ZNF418: variants seen among roughly 807,000 people sequenced by gnomAD.
The protein encoded by ZNF418 is zinc finger protein 418.
A neutral mutation model predicts 32.0 loss-of-function variants in ZNF418; 32 were observed. The observed-to-expected ratio is 1.00, with a 90% CI of 0.75 to 1.34. The LOEUF (loss-of-function observed/expected upper bound fraction) is 1.34, where lower values mean the gene tolerates loss of function less well. ZNF418 is among the 40% of genes most tolerant of loss of function. ZNF418 has a pLI of 0.00. For missense variants in ZNF418, 804 were observed against 812.5 expected (o/e 0.99, Z 0.13); for synonymous variants, 276 against 270.7 (o/e 1.02, Z -0.19).
chr19:57,930,436 G>C lies in ZNF418; in HGVS notation c.125C>G (p.Ser42Cys), dbSNP rs373117835. 3.1e-6 allele frequency: 5 copies of C among 1,614,100 alleles called. No homozygotes were observed. The South Asian group carries it at 5.5e-5, about 18-fold the overall frequency. Reference sequence around the variant, plus strand: ...GGGTGTGAGGAACTTACCCAGGGAGGATATAAGTACCCAGTTCTCCAGCAT... The same window carrying C: ...GGGTGTGAGGAACTTACCCAGGGAGCATATAAGTACCCAGTTCTCCAGCAT... ...DVMLENWVLI[S>C]SLGCWCGSED... The change falls in exon 3 of 6, where the codon TCC becomes TGC. Residue 42 changes from serine to cysteine, a missense_variant. This residue lies in a region of ZNF418 where 307 missense variants were observed against 304.9 expected (regional missense o/e 1.01). Coordinates refer to ENST00000396147, the MANE Select transcript of ZNF418 (RefSeq NM_133460.3).
intron 1 of ZNF418, chr19:57,934,168 A>C: frequency 8.2e-7 from 1 of 1,224,954 alleles, no homozygotes; most frequent in Non-Finnish European, 1.0e-6. Flanking sequence ...CACAAGCTAG[A>C]GAACATGTGA....
chr19:57,933,838 A>T lies in ZNF418; in HGVS notation c.-16T>A, dbSNP rs1303489380. On this transcript the variant is annotated 5_prime_UTR_variant, in exon 2 of 6. Transcript: ENST00000396147. Reference sequence around the variant, plus strand: ...TCACCTGCATTATGGCAGGAGTTTAAACTCTGATCCTCCTTCCTCCTCCCT... The same window carrying T: ...TCACCTGCATTATGGCAGGAGTTTATACTCTGATCCTCCTTCCTCCTCCCT... 12 of 1,614,122 alleles carry T rather than the reference A, an allele frequency of 7.4e-6. No individual in the cohort carries two copies. In the South Asian group the frequency reaches 7.7e-5, roughly 10 times the overall value.
chr19:57,925,012 A>G (rs1271542352), intron 4 of ZNF418, among the ~76,000 whole-genome samples: 1 of 152,174 alleles, frequency 6.6e-6, no homozygotes, highest in Admixed American at 6.5e-5. Flanking sequence ...CTGCCCCTTT[A>G]TGACACCAGA....
At chr19:57,928,290 T>C (rs1477212155) in intron 3 of ZNF418, among the ~76,000 whole-genome samples, 2 of 151,458 alleles carry the variant, frequency 1.3e-5, no homozygotes, top group Non-Finnish European at 2.9e-5. Flanking sequence ...GGTCTACAAT[T>C]TTTTTTTTCT....
intron 1 of ZNF418, 196 bp from the exon 2 acceptor site, chr19:57,934,098 T>C (rs981513474): frequency 7.2e-6 from 10 of 1,395,824 alleles, no homozygotes; most frequent in Non-Finnish European, 2.8e-6. Context: ...GGGTTTAGGG[T>C]TTCTCCAGTG....
chr19:57,927,914 C>A lies in ZNF418; in HGVS notation c.267G>T (p.Ala89=), dbSNP rs368368590. The A allele has an allele frequency of 4.3e-6, 7 of 1,614,082 alleles. No homozygotes were observed. The highest frequency in any genetic ancestry group is 5.9e-6 in the Non-Finnish European group (7 of 1,180,018). ...CCAAGTGCAAAATGTCTCCCAAGAT[C>A]GCGCCACACATTTCACAAGAGTGGG... is the stretch of plus-strand genomic sequence containing the variant. ...KKAHSCEMCG[A]ILGDILHLAD... is the part of the protein sequence containing the mutation. The change falls in exon 4 of 6, where the codon GCG becomes GCT. Residue 89 remains alanine (A), a synonymous_variant. Coordinates refer to ENST00000396147, the MANE Select transcript of ZNF418 (RefSeq NM_133460.3).
At chr19:57,932,118 CCT>C (rs2072512913) in intron 2 of ZNF418, among the ~76,000 whole-genome samples, 1 of 152,170 alleles carries the variant, frequency 6.6e-6, no homozygotes. Flanking sequence ...TGTGATAGCC[CCT>C]GATTTCTCAG....
At chr19:57,934,073 TGG>T (rs962844722) in intron 1 of ZNF418, 171 bp from the exon 2 acceptor site, 20 of 1,424,290 alleles carry the variant, frequency 1.4e-5, no homozygotes, top group Non-Finnish European at 1.6e-5. Flanking sequence ...TCCTGTGTCA[TGG>T]ACTTAGGATT....
At chr19:57,933,932 A>G in intron 1 of ZNF418, 30 bp from the exon 2 acceptor site, 4 of 1,607,426 alleles carry the variant, frequency 2.5e-6, no homozygotes, top group Non-Finnish European at 3.4e-6. Flanking sequence ...TGGTAACATC[A>G]CCTCCTCGCC....
chr19:57,932,955 A>C (rs958503558), intron 2 of ZNF418, among the ~76,000 whole-genome samples: 3 of 152,048 alleles, frequency 2.0e-5, no homozygotes, highest in African/African-American at 7.2e-5. Flanking sequence ...TGTCTGACAT[A>C]CCCTATCTTC....
intron 2 of ZNF418, 92 bp from the exon 3 acceptor site, chr19:57,930,646 C>T (rs1192442006): frequency 2.5e-6 from 4 of 1,570,022 alleles, no homozygotes; most frequent in Non-Finnish European, 3.5e-6. Flanking sequence ...CTTGCCCATC[C>T]TCCTCCCAAG....
rs548247794 is a variant in ZNF418, at chr19:57,935,212, G to C, written c.-132C>G. Reference sequence around the variant, plus strand: ...CCGCCATCCCGAGTACGCGGGGAAAGCACTGCCGGGAGCGGCGGGCGCCGT... The same window carrying C: ...CCGCCATCCCGAGTACGCGGGGAAACCACTGCCGGGAGCGGCGGGCGCCGT... On this transcript the variant is annotated 5_prime_UTR_variant, in exon 1 of 6. Coordinates refer to ENST00000396147, the MANE Select transcript of ZNF418 (RefSeq NM_133460.3). The C allele has an allele frequency of 8.7e-6, 11 of 1,268,552 alleles. 1 individual carries two copies. In the East Asian group the frequency reaches 5.1e-4, roughly 58 times the overall value. 78.6% of individuals were successfully genotyped at this position (1,268,552 alleles called of 1,614,324 possible). A position where few individuals can be genotyped will look rare whatever the true frequency, so the allele number is the denominator to read the frequency against.
At chr19:57,928,171 G>T in intron 3 of ZNF418, 124 bp from the exon 4 acceptor site, 1 of 825,650 alleles carries the variant, frequency 1.2e-6, no homozygotes, top group Non-Finnish European at 1.9e-6. Flanking sequence ...CAGAAAGTTG[G>T]CTTCACGTGG....
chr19:57,929,183 G>A (rs1373303402), intron 3 of ZNF418, among the ~76,000 whole-genome samples: 1 of 152,144 alleles, frequency 6.6e-6, no homozygotes, highest in East Asian at 1.9e-4. Context: ...GTGTACAACT[G>A]ACAAATCTGA....
chr19:57,926,559 C>G lies in ZNF418; in HGVS notation c.1622G>C (p.Gly541Ala). The change falls in exon 4 of 6, where the codon GGA (glycine) becomes GCA (alanine). Residue 541 changes from glycine (G) to alanine (A), a missense_variant. Physicochemically the swap from Gly to Ala is moderately conservative, Grantham distance 60. This residue lies in a region of ZNF418 where 475 missense variants were observed against 458.6 expected (regional missense o/e 1.04). Transcript: ENST00000396147. ...VHTGERPYEC[G>A]ECGKSFHQSS... ...CTGATGAAATGACTTTCCACATTCT[C>G]CACATTCATAAGGCCTTTCTCCAGT... 1 of 1,614,062 alleles carries G rather than the reference C, an allele frequency of 6.2e-7. No individual in the cohort carries two copies.
Position 57,925,883 on chromosome 19 carries a change from T to C in ZNF418, c.*267A>G. ...AAGGCATCTCCTCCAGTGTTATGTT[T>C]TACAAGAAATAATATTTCCTGTACG... On this transcript the variant is annotated 3_prime_UTR_variant, in exon 4 of 6. Transcript: ENST00000396147. 2.4e-6 allele frequency: 1 copy of C among 421,810 alleles called. No homozygotes were observed. Among genetic ancestry groups the C allele is most frequent in the Non-Finnish European group, 4.2e-6 (1 of 237,796 alleles). 26.1% of individuals were successfully genotyped at this position (421,810 alleles called of 1,614,324 possible). A position where few individuals can be genotyped will look rare whatever the true frequency, so the allele number is the denominator to read the frequency against.
At chr19:57,933,985 A>C in intron 1 of ZNF418, 83 bp from the exon 2 acceptor site, 1 of 1,571,212 alleles carries the variant, frequency 6.4e-7, no homozygotes, top group East Asian at 2.2e-5. Flanking sequence ...TAAGCATTTC[A>C]TGACCTGGTA....
Position 57,926,290 on chromosome 19 carries a change from T to C in ZNF418, c.1891A>G (p.Thr631Ala), listed in dbSNP as rs2072217847. 1 of 1,597,970 alleles carries C rather than the reference T, an allele frequency of 6.3e-7. No homozygotes were observed. ...CTCCTGTGTTCAGTAAGACTGAAGGTTTCAGCAAAGGATTTCCCACATTCG... is the reference window on the plus strand; with the variant it reads ...CTCCTGTGTTCAGTAAGACTGAAGGCTTCAGCAAAGGATTTCCCACATTCG... ...CSECGKSFAE[T>A]FSLTEHRRVH... Residue 631 changes from threonine to alanine, a missense_variant, in exon 4 of 6, where the codon ACC becomes GCC. This residue lies in a region of ZNF418 where 475 missense variants were observed against 458.6 expected (regional missense o/e 1.04). Transcript: ENST00000396147.
rs1353601563 is a variant in ZNF418 at position 57,925,992 on chromosome 19, G to C, written c.*158C>G. On this transcript the variant is annotated 3_prime_UTR_variant, in exon 4 of 6. Coordinates refer to ENST00000396147, the MANE Select transcript of ZNF418 (RefSeq NM_133460.3). Reference sequence around the variant, plus strand: ...TTCTCACATTCATCGCACTCAAGAGGCCCTTCTGCAGTGGGAGCTCTTCTG... The same window carrying C: ...TTCTCACATTCATCGCACTCAAGAGCCCCTTCTGCAGTGGGAGCTCTTCTG... 1.6e-6 allele frequency: 1 copy of C among 620,814 alleles called. No individual in the cohort carries two copies. The highest frequency in any genetic ancestry group is 2.8e-6 in the Non-Finnish European group (1 of 358,070). The allele number at this position is 620,814 out of a possible 1,614,324, so 38.5% of individuals were successfully genotyped here.
Sources: gnomAD v4.1 joint callset for allele counts (sites outside exome capture counted in the v4.1 genomes callset) on GRCh38, gnomAD v4.1.1 for gene constraint, gnomAD v4.1.1 regional missense constraint, MANE v1.5 for transcripts, NCBI Gene and HGNC (gene_info 2026-07-23, HGNC 2026-07-21) for gene names.